The following STK3 variants were observed in gnomAD, a reference collection of about 807,000 sequenced individuals.
STK3 encodes the protein serine/threonine-protein kinase 3.
Under a neutral mutation model 58.0 loss-of-function variants are expected in STK3, and 41 were observed. The observed-to-expected ratio is 0.71, with a 90% CI of 0.55 to 0.92. The LOEUF is 0.92. Ranked by LOEUF, STK3 falls within the 40% of genes least tolerant of loss-of-function variation. The probability of loss-of-function intolerance (pLI) is 0.00; values close to 1 mark genes in which losing one functional copy is unlikely to be tolerated. For missense variants in STK3, 479 were observed against 602.7 expected (o/e 0.79, Z 2.15); for synonymous variants, 170 against 191.0 (o/e 0.89, Z 0.91).
rs71572029 is a variant in STK3, at chr8:98,903,487, G to GTTC, written c.-78-19656_-78-19654dup. 4.3e-3 allele frequency among the ~76,000 whole-genome samples: 607 copies of GTTC among 139,716 alleles called. 10 individuals carry two copies. The highest frequency in any genetic ancestry group is 7.9e-3 in the Non-Finnish European group (505 of 64,230). The allele number at this position is 139,716 out of a possible 152,430, so 91.7% of individuals were successfully genotyped here. A position where few individuals can be genotyped will look rare whatever the true frequency, so the allele number is the denominator to read the frequency against. On this transcript the variant is annotated intron_variant, in intron 1 of 1. Transcript: ENST00000519420. ...TTATATTTCCACTTCAATTTAGGAA[G>GTTC]TTCTTCTTCTTCTTCTTCTTCTTCT...
At chr8:98,406,971 A>C (rs1818000488) in intron 3 of STK3, among the ~76,000 whole-genome samples, 1 of 152,208 alleles carries the variant, frequency 6.6e-6, no homozygotes, top group Admixed American at 6.5e-5. Flanking sequence ...TCCCTGAGTT[A>C]TGAACCAGTG....
In STK3 at chr8:98,547,978, T is replaced by A. The variant is rs778211075; in HGVS notation, c.1132A>T (p.Thr378Ser). ...NSEDEEEEDG[T>S]MKRNATSPQV... ...TAAAAAAGCCACATACTTTTCATAG[T>A]TCCATCTTCTTCTTCCTCATCCTCA... Residue 378 changes from threonine to serine, a missense_variant, in exon 9 of 11, where the codon ACT becomes TCT. By Grantham distance (58) the Thr-to-Ser change is moderately conservative. This residue lies in a region of STK3 where 309 missense variants were observed against 355.7 expected (regional missense o/e 0.87). Transcript: ENST00000419617. 32 of 1,587,434 alleles carry A rather than the reference T, an allele frequency of 2.0e-5. No homozygotes were observed. The highest frequency in any genetic ancestry group is 2.7e-5 in the Non-Finnish European group (32 of 1,169,950).
At chr8:98,675,925 G>T (rs140146416) in intron 6 of STK3, among the ~76,000 whole-genome samples, 71 of 152,092 alleles carry the variant, frequency 4.7e-4, no homozygotes, top group African/African-American at 1.7e-3. Context: ...TTCATAGCAC[G>T]ATTCACAAGA....
At chr8:98,807,306 G>C (rs1833947894) in intron 1 of STK3, among the ~76,000 whole-genome samples, 1 of 151,828 alleles carries the variant, frequency 6.6e-6, no homozygotes, top group South Asian at 2.1e-4. Context: ...GCCCAGGCTG[G>C]AGTGCAATGG....
At chr8:98,508,005 A>G (rs1157792599) in intron 10 of STK3, among the ~76,000 whole-genome samples, 1 of 152,106 alleles carries the variant, frequency 6.6e-6, no homozygotes, top group African/African-American at 2.4e-5. Context: ...AGCAAACTGT[A>G]TACTTTACTA....
chr8:98,750,583 C>G (rs1829910993), intron 3 of STK3, among the ~76,000 whole-genome samples: 1 of 151,482 alleles, frequency 6.6e-6, no homozygotes, highest in Non-Finnish European at 1.5e-5. Context: ...TAGCTATGCT[C>G]TAACACTGAG....
chr8:98,906,886 G>T (rs951861643), intron 1 of STK3, among the ~76,000 whole-genome samples: 1 of 151,740 alleles, frequency 6.6e-6, no homozygotes, highest in African/African-American at 2.4e-5. Flanking sequence ...GGAGGCTCAC[G>T]CCTGTAATCC....
intron 3 of STK3, among the ~76,000 whole-genome samples, chr8:98,417,619 C>T (rs1267518577): frequency 2.0e-5 from 3 of 152,210 alleles, no homozygotes; most frequent in African/African-American, 4.8e-5. Flanking sequence ...ACTGTGAACA[C>T]GGTACTCAAC....
chr8:98,396,451 A>T (rs915418082), downstream of STK3, among the ~76,000 whole-genome samples: 2 of 152,172 alleles, frequency 1.3e-5, no homozygotes, highest in Non-Finnish European at 2.9e-5. Context: ...ATCTGGACTC[A>T]TGGTAAGAGG....
At chr8:98,898,189 A>G (rs912837605) in intron 1 of STK3, among the ~76,000 whole-genome samples, 4 of 152,244 alleles carry the variant, frequency 2.6e-5, no homozygotes, top group Non-Finnish European at 5.9e-5. Flanking sequence ...CTTCCCAGTC[A>G]TGGCCTGATG....
At chr8:98,392,060 T>A (rs1817852920), upstream of STK3, among the ~76,000 whole-genome samples, 1 of 152,198 alleles carries the variant, frequency 6.6e-6, no homozygotes, top group African/African-American at 2.4e-5. Context: ...CTATCTCTCC[T>A]CTTATCCCCC....
intron 1 of STK3, among the ~76,000 whole-genome samples, chr8:98,916,065 G>A (rs1171311007): frequency 6.6e-6 from 1 of 152,008 alleles, no homozygotes; most frequent in South Asian, 2.1e-4. Context: ...CCCTGCAAAA[G>A]CTAAGGAGAG....
intron 9 of STK3, among the ~76,000 whole-genome samples, chr8:98,530,945 G>A (rs1265894534): frequency 6.6e-6 from 1 of 152,202 alleles, no homozygotes; most frequent in African/African-American, 2.4e-5. Context: ...TTGCAGCAAT[G>A]CAGGCACATC....
At chr8:98,688,740 A>G (rs1277540888) in intron 6 of STK3, among the ~76,000 whole-genome samples, 2 of 152,198 alleles carry the variant, frequency 1.3e-5, no homozygotes, top group African/African-American at 4.8e-5. Context: ...ACAGAGACAC[A>G]ACATACCAAA....
At chr8:98,436,673 T>A (rs989592011) in intron 2 of STK3, 3 of 152,172 alleles carry the variant, frequency 2.0e-5, no homozygotes, top group Non-Finnish European at 4.4e-5. Context: ...AGAGACACTT[T>A]ACTGTGCAGC....
chr8:98,828,292 T>G (rs186987467), upstream of STK3, among the ~76,000 whole-genome samples: 1,320 of 152,016 alleles, frequency 8.7e-3, 12 homozygotes, highest in African/African-American at 0.03. Flanking sequence ...CATCTTTTTG[T>G]GTTTCATCAG....
chr8:98,906,693 A>C (rs1206678496), intron 1 of STK3, among the ~76,000 whole-genome samples: 1 of 152,214 alleles, frequency 6.6e-6, no homozygotes, highest in Non-Finnish European at 1.5e-5. Context: ...TCCCACTCAC[A>C]CATTTCATGA....
rs138932733 is a variant in STK3, at chr8:98,646,923, C to T, written c.685-50754G>A. On this transcript the variant is annotated intron_variant, in intron 6 of 10. Coordinates refer to ENST00000419617, the MANE Select transcript of STK3 (RefSeq NM_006281.4). ...TCTTTCCTTCTATCTTTGCCCACCCCGCCCCCACAATCTGTTCTCAACAAA... is the reference window on the plus strand; with the variant it reads ...TCTTTCCTTCTATCTTTGCCCACCCTGCCCCCACAATCTGTTCTCAACAAA... 8.1e-3 allele frequency among the ~76,000 whole-genome samples: 1,235 copies of T among 152,228 alleles called. 9 individuals carry two copies. Among genetic ancestry groups the T allele is most frequent in the African/African-American group, 0.02 (850 of 41,552 alleles).
chr8:98,474,044 A>G (rs1024804485), intron 10 of STK3, among the ~76,000 whole-genome samples: 1 of 152,078 alleles, frequency 6.6e-6, no homozygotes, highest in African/African-American at 2.4e-5. Flanking sequence ...AACCTTTCCT[A>G]TTTCACTAAA....
Sources: gnomAD v4.1 joint callset for allele counts (sites outside exome capture counted in the v4.1 genomes callset) on GRCh38, gnomAD v4.1.1 for gene constraint, gnomAD v4.1.1 regional missense constraint, MANE v1.5 for transcripts, NCBI Gene and HGNC (gene_info 2026-07-23, HGNC 2026-07-21) for gene names.